OPCML: variants seen among roughly 807,000 people sequenced by gnomAD.
The protein encoded by OPCML is opioid-binding protein/cell adhesion molecule.
OPCML carries 13 observed loss-of-function variants against 37.8 expected under a neutral mutation model. That is an observed-to-expected ratio of 0.34 (90% CI 0.22 to 0.55). The LOEUF is 0.55. Ranked by LOEUF, OPCML falls within the 20% of genes least tolerant of loss-of-function variation. The pLI, the probability that OPCML is intolerant of heterozygous loss-of-function variation, is 0.91. For missense variants in OPCML, 341 were observed against 435.6 expected (o/e 0.78, Z 1.93); for synonymous variants, 176 against 168.8 (o/e 1.04, Z -0.33).
At chr11:133,141,219 A>T (rs984733991) in intron 1 of OPCML, among the ~76,000 whole-genome samples, 1 of 151,932 alleles carries the variant, frequency 6.6e-6, no homozygotes, top group African/African-American at 2.4e-5. Flanking sequence ...CGTGGTCTCC[A>T]TTCCAAGCCG....
chr11:133,108,137 T>C (rs1949189619), intron 1 of OPCML, among the ~76,000 whole-genome samples: 1 of 152,190 alleles, frequency 6.6e-6, no homozygotes, highest in African/African-American at 2.4e-5. Flanking sequence ...AGCAAAGAAA[T>C]AAGCCTTGGA....
intron 2 of OPCML, among the ~76,000 whole-genome samples, chr11:132,906,038 G>C (rs1167435047): frequency 6.6e-6 from 1 of 152,114 alleles, no homozygotes; most frequent in Non-Finnish European, 1.5e-5. Context: ...ACTTTGGAAG[G>C]GTTTTTTGAA....
At chr11:132,649,426 G>A (rs1027401891) in intron 3 of OPCML, among the ~76,000 whole-genome samples, 1 of 152,194 alleles carries the variant, frequency 6.6e-6, no homozygotes, top group Non-Finnish European at 1.5e-5. Flanking sequence ...GAGAAACACA[G>A]TAGTCTGAGA....
intron 1 of OPCML, among the ~76,000 whole-genome samples, chr11:133,355,910 G>A (rs12421075): frequency 0.23 from 35,017 of 152,070 alleles, 5,843 homozygotes; most frequent in African/African-American, 0.48. Flanking sequence ...CCTAACAGCC[G>A]TGCTAATCAG....
intron 1 of OPCML, among the ~76,000 whole-genome samples, chr11:133,425,238 C>T (rs1311347275): frequency 6.6e-6 from 1 of 152,186 alleles, no homozygotes; most frequent in Admixed American, 6.5e-5. Context: ...TTAAACGAGA[C>T]CCCTCCAAAT....
intron 1 of OPCML, among the ~76,000 whole-genome samples, chr11:133,242,270 G>A (rs567371627): frequency 1.2e-4 from 18 of 152,210 alleles, no homozygotes; most frequent in African/African-American, 3.1e-4. Flanking sequence ...GCTTCAGAGC[G>A]GCAAAGTGAT....
chr11:132,638,161 GACTATATATA>G (rs1313120684), intron 3 of OPCML, among the ~76,000 whole-genome samples: 1 of 7,860 alleles, frequency 1.3e-4, no homozygotes, highest in Non-Finnish European at 2.3e-4. Flanking sequence ...CATATATACA[GACTATATATA>G]TATATATATA....
intron 4 of OPCML, among the ~76,000 whole-genome samples, chr11:132,473,476 T>C (rs2096144493): frequency 6.6e-6 from 1 of 152,162 alleles, no homozygotes; most frequent in Non-Finnish European, 1.5e-5. Flanking sequence ...GGGCATGAAA[T>C]AATGAAACTG....
chr11:132,950,689 A>G (rs1274664260), intron 1 of OPCML, among the ~76,000 whole-genome samples: 1 of 152,130 alleles, frequency 6.6e-6, no homozygotes, highest in Non-Finnish European at 1.5e-5. Flanking sequence ...GGGGCATATT[A>G]TCCATGGAAC....
intron 1 of OPCML, among the ~76,000 whole-genome samples, chr11:133,105,557 G>A (rs1949144170): frequency 2.6e-5 from 4 of 152,118 alleles, no homozygotes; most frequent in Admixed American, 6.6e-5. Flanking sequence ...AAATGGAGAT[G>A]GCAAGATGTG....
chr11:133,318,715 G>A (rs190810397), intron 1 of OPCML, among the ~76,000 whole-genome samples: 3 of 152,096 alleles, frequency 2.0e-5, no homozygotes, highest in Non-Finnish European at 2.9e-5. Context: ...ACGCTACAGC[G>A]GTTACTGGCT....
At chr11:133,060,114 G>T (rs2136986187) in intron 1 of OPCML, among the ~76,000 whole-genome samples, 1 of 152,040 alleles carries the variant, frequency 6.6e-6, no homozygotes, top group East Asian at 1.9e-4. Context: ...TCAAAAAATG[G>T]AATTAGAATA....
chr11:132,971,838 T>G (rs885102), intron 1 of OPCML, among the ~76,000 whole-genome samples: 1 of 151,918 alleles, frequency 6.6e-6, no homozygotes, highest in Non-Finnish European at 1.5e-5. Flanking sequence ...TCTAGATATG[T>G]GGGCCCTAAA....
chr11:132,967,855 A>G (rs1489121472), intron 1 of OPCML, among the ~76,000 whole-genome samples: 2 of 152,202 alleles, frequency 1.3e-5, no homozygotes, highest in Non-Finnish European at 2.9e-5. Flanking sequence ...TTGTTTACCT[A>G]GAAATGTCTT....
At chr11:133,087,693 T>C (rs911830278) in intron 1 of OPCML, among the ~76,000 whole-genome samples, 16 of 152,232 alleles carry the variant, frequency 1.1e-4, no homozygotes, top group Non-Finnish European at 1.9e-4. Flanking sequence ...TCTATTAATA[T>C]ATCTAACATG....
intron 7 of OPCML, among the ~76,000 whole-genome samples, chr11:132,421,486 A>G (rs2095958918): frequency 6.6e-6 from 1 of 152,176 alleles, no homozygotes; most frequent in Non-Finnish European, 1.5e-5. Context: ...CCTTATGGTG[A>G]GGATTCATGC....
intron 7 of OPCML, among the ~76,000 whole-genome samples, chr11:132,431,169 A>G (rs900755015): frequency 2.0e-5 from 3 of 152,242 alleles, no homozygotes; most frequent in African/African-American, 4.8e-5. Flanking sequence ...GCTACTGTGC[A>G]AAGATTGTCC....
At chr11:132,570,313 C>T (rs1318185909) in intron 3 of OPCML, among the ~76,000 whole-genome samples, 1 of 152,036 alleles carries the variant, frequency 6.6e-6, no homozygotes, top group Non-Finnish European at 1.5e-5. Flanking sequence ...TCGTTTGGCC[C>T]TTTACAGGAA....
chr11:133,449,851 C>A (rs2136956125), intron 1 of OPCML, among the ~76,000 whole-genome samples: 1 of 151,816 alleles, frequency 6.6e-6, no homozygotes, highest in African/African-American at 2.4e-5. Context: ...CGGGGGGCCA[C>A]AATTCAACCA....
Sources: gnomAD v4.1 joint callset for allele counts (sites outside exome capture counted in the v4.1 genomes callset) on GRCh38, gnomAD v4.1.1 for gene constraint, MANE v1.5 for transcripts, NCBI Gene and HGNC (gene_info 2026-07-23, HGNC 2026-07-21) for gene names.